GOSR2: variants seen among roughly 807,000 people sequenced by gnomAD.
The protein encoded by GOSR2 is golgi SNAP receptor complex member 2, also known as 27 kDa Golgi SNARE protein.
GOSR2 carries 20 observed loss-of-function variants against 27.9 expected under a neutral mutation model. The observed-to-expected ratio is 0.72, with a 90% CI of 0.50 to 1.04. The LOEUF (loss-of-function observed/expected upper bound fraction) is 1.04, where lower values mean the gene tolerates loss of function less well. GOSR2 is among the 50% of genes least tolerant of loss of function. GOSR2 has a pLI of 0.00. For synonymous variants in GOSR2, 91 were observed against 98.8 expected, an observed-to-expected ratio of 0.92 and a Z score of 0.47; for missense variants, 261 against 270.5, an observed-to-expected ratio of 0.97 and a Z score of 0.25.
rs1451018981 is a variant in GOSR2, at chr17:46,973,117, A to G, written c.616-2082A>G. The G allele has an allele frequency of 2.6e-5, 4 of 153,136 alleles. No individual in the cohort carries two copies. The East Asian group carries it at 8.1e-4, about 31-fold the overall frequency. The allele number at this position is 153,136 out of a possible 1,614,324, so 9.5% of individuals were successfully genotyped here. A position where few individuals can be genotyped will look rare whatever the true frequency, so the allele number is the denominator to read the frequency against. On this transcript the variant is annotated intron_variant, in intron 6 of 6. Coordinates refer to the GOSR2 transcript ENST00000640723. Reference sequence around the variant, plus strand: ...AGTCCTTTTAATTAAATGTGTGTGCATGTGTGCAACCCACATGTGTACACG... The same window carrying G: ...AGTCCTTTTAATTAAATGTGTGTGCGTGTGTGCAACCCACATGTGTACACG...
chr17:46,972,605 T>C (rs578004405), intron 6 of GOSR2, among the ~76,000 whole-genome samples: 7 of 152,314 alleles, frequency 4.6e-5, no homozygotes, highest in African/African-American at 9.6e-5. Context: ...TGCATTGCTG[T>C]CAACATACAG....
At chr17:46,953,915 A>G (rs369588411) in intron 6 of GOSR2, among the ~76,000 whole-genome samples, 2 of 152,032 alleles carry the variant, frequency 1.3e-5, no homozygotes, top group African/African-American at 4.8e-5. Flanking sequence ...GTTTGAGTTC[A>G]TTGTAGATTC....
intron 6 of GOSR2, among the ~76,000 whole-genome samples, chr17:46,961,276 A>G (rs2091033959): frequency 6.6e-6 from 1 of 152,210 alleles, no homozygotes; most frequent in Admixed American, 6.5e-5. Flanking sequence ...AGAAACAAAT[A>G]TCTGTAATTT....
intron 6 of GOSR2, among the ~76,000 whole-genome samples, chr17:46,951,477 T>C (rs1486872374): frequency 1.3e-5 from 2 of 152,242 alleles, no homozygotes; most frequent in Non-Finnish European, 2.9e-5. Flanking sequence ...CAGTGACTTG[T>C]CAAGCTGCCA....
At chr17:46,932,494 G>C in intron 4 of GOSR2, 1 of 593,048 alleles carries the variant, frequency 1.7e-6, no homozygotes, top group Admixed American at 3.0e-5. Flanking sequence ...TCACATGGTG[G>C]AAACGTTTTT....
At position 46,940,582 on chromosome 17, in the gene GOSR2, A is replaced by G; in HGVS notation, c.*1822A>G. 3 of 1,614,168 alleles carry G rather than the reference A, an allele frequency of 1.9e-6. No individual in the cohort carries two copies. Among genetic ancestry groups the G allele is most frequent in the Non-Finnish European group, 2.5e-6 (3 of 1,180,036 alleles). Reference sequence around the variant, plus strand: ...ACCCAAGGATCCTGCCAGACAGCACACTTTGGAGGAAGGTCTGCAGGGAGC... The same window carrying G: ...ACCCAAGGATCCTGCCAGACAGCACGCTTTGGAGGAAGGTCTGCAGGGAGC... On this transcript the variant is annotated 3_prime_UTR_variant, in exon 6 of 6. Transcript: ENST00000640051.
intron 2 of GOSR2, chr17:46,930,301 A>G (rs2087145936): frequency 6.6e-6 from 1 of 152,144 alleles, no homozygotes; most frequent in Non-Finnish European, 1.5e-5. Flanking sequence ...CACTGCTGTC[A>G]CTTCTTTATG....
chr17:46,932,193 C>T lies in GOSR2; in HGVS notation c.330C>T (p.Thr110=), dbSNP rs1276895342. ...QREELLSRTF[T]TNDSDTTIPM... ...AAGAGCTTCTGTCTCGAACCTTCAC[C>T]ACTAACGTAAGCCAGGCCCGTGGTG... The change falls in exon 4 of 6, where the codon ACC becomes ACT. Residue 110 remains threonine (T), a synonymous_variant. Transcript: ENST00000640051. 6.2e-7 allele frequency: 1 copy of T among 1,614,050 alleles called. No individual in the cohort carries two copies. The highest frequency in any genetic ancestry group is 8.5e-7 in the Non-Finnish European group (1 of 1,180,024).
downstream of GOSR2, among the ~76,000 whole-genome samples, chr17:46,971,131 A>G (rs2091388149): frequency 6.6e-6 from 1 of 152,024 alleles, no homozygotes; most frequent in Non-Finnish European, 1.5e-5. Flanking sequence ...TGAGGTCAGG[A>G]GTTTGAGACC....
At chr17:46,942,240 CG>C (rs1568191203), downstream of GOSR2, among the ~76,000 whole-genome samples, 1 of 152,176 alleles carries the variant, frequency 6.6e-6, no homozygotes, top group South Asian at 2.1e-4. Flanking sequence ...CTGTCTCAAC[CG>C]GGGGGTGACA....
intron 6 of GOSR2, among the ~76,000 whole-genome samples, chr17:46,950,431 G>T (rs1382675852): frequency 6.6e-6 from 1 of 152,190 alleles, no homozygotes; most frequent in Non-Finnish European, 1.5e-5. Flanking sequence ...CTAAGTGTAT[G>T]ATCAGTGCCA....
chr17:46,923,410 A>G, intron 1 of GOSR2, 189 bp downstream of exon 1: 1 of 1,444,550 alleles, frequency 6.9e-7, no homozygotes, highest in Admixed American at 2.7e-5. Context: ...CAGTGGGTTC[A>G]GGCTGGGGCC....
At chr17:46,971,483 C>A (rs2091392354), downstream of GOSR2, among the ~76,000 whole-genome samples, 1 of 152,122 alleles carries the variant, frequency 6.6e-6, no homozygotes, top group South Asian at 2.1e-4. Context: ...TGACCCAGTG[C>A]CCCACCCTAG....
At chr17:46,964,243 C>T (rs2091216330) in intron 6 of GOSR2, 1 of 152,234 alleles carries the variant, frequency 6.6e-6, no homozygotes, top group African/African-American at 2.4e-5. Context: ...GTGGCTTCAT[C>T]AAAAACCCAC....
chr17:46,974,733 CAA>C (rs373010361), intron 6 of GOSR2, among the ~76,000 whole-genome samples: 739 of 64,412 alleles, frequency 0.011, 1 homozygote, highest in Non-Finnish European at 0.02. Flanking sequence ...GACTCTCTCT[CAA>C]AAAAAAAAAA....
chr17:46,967,602 G>C (rs1325362259), downstream of GOSR2, among the ~76,000 whole-genome samples: 1 of 152,146 alleles, frequency 6.6e-6, no homozygotes, highest in Non-Finnish European at 1.5e-5. Context: ...GTGTTCTCTG[G>C]GTACAGCATG....
intron 1 of GOSR2, among the ~76,000 whole-genome samples, chr17:46,928,066 C>T (rs1274967722): frequency 6.6e-6 from 1 of 152,052 alleles, no homozygotes; most frequent in Non-Finnish European, 1.5e-5. Context: ...TACATCAGCC[C>T]CCATACCTCC....
At chr17:46,973,564 C>CT (rs1428337962) in intron 6 of GOSR2, among the ~76,000 whole-genome samples, 1 of 152,112 alleles carries the variant, frequency 6.6e-6, no homozygotes, top group Non-Finnish European at 1.5e-5. Context: ...GATCTCAAGT[C>CT]TAAGTAATAG....
chr17:46,971,111 G>C (rs991934347), downstream of GOSR2, among the ~76,000 whole-genome samples: 3 of 152,134 alleles, frequency 2.0e-5, no homozygotes, highest in African/African-American at 7.2e-5. Flanking sequence ...AGCACTTACA[G>C]TGGATCATTT....
Sources: gnomAD v4.1 joint callset for allele counts (sites outside exome capture counted in the v4.1 genomes callset) on GRCh38, gnomAD v4.1.1 for gene constraint, MANE v1.5 for transcripts, NCBI Gene and HGNC (gene_info 2026-07-23, HGNC 2026-07-21) for gene names.